The following RAI1 variants were observed in gnomAD, a reference collection of about 807,000 sequenced individuals.
The protein encoded by RAI1 is retinoic acid-induced protein 1.
In RAI1, 9 loss-of-function variants were observed where a neutral mutation model predicts 123.8. The ratio of observed to expected loss-of-function variants is 0.07; its 90% CI spans 0.04 to 0.13. The LOEUF (loss-of-function observed/expected upper bound fraction) is 0.13. Among genes scored for constraint, RAI1 ranks in the 10% least tolerant of loss-of-function variants. The probability of loss-of-function intolerance (pLI) is 1.00; values close to 1 mark genes in which losing one functional copy is unlikely to be tolerated. For synonymous variants in RAI1, 1,231 were observed against 1,127.3 expected, an observed-to-expected ratio of 1.09 and a Z score of -1.84; for missense variants, 2,256 against 2,545.8, an observed-to-expected ratio of 0.89 and a Z score of 2.45.
At chr17:17,704,830 C>T (rs939121907) in intron 1 of RAI1, among the ~76,000 whole-genome samples, 15 of 135,892 alleles carry the variant, frequency 1.1e-4, no homozygotes, top group African/African-American at 3.3e-4. Context: ...CTCCCAAGCC[C>T]GTGGGGAAAT....
chr17:17,764,325 A>G (rs1009021618), intron 2 of RAI1, among the ~76,000 whole-genome samples: 4 of 152,222 alleles, frequency 2.6e-5, no homozygotes, highest in African/African-American at 9.6e-5. Context: ...ACACTCGGGT[A>G]TAACTGAAGT....
intron 2 of RAI1, among the ~76,000 whole-genome samples, chr17:17,735,417 G>A (rs1296426643): frequency 6.7e-6 from 1 of 148,304 alleles, no homozygotes; most frequent in Non-Finnish European, 1.5e-5. Context: ...GCAGTGGCGC[G>A]ATCTTGGCTC....
At chr17:17,764,979 C>G (rs2030865829) in intron 2 of RAI1, among the ~76,000 whole-genome samples, 1 of 152,198 alleles carries the variant, frequency 6.6e-6, no homozygotes, top group Non-Finnish European at 1.5e-5. Flanking sequence ...TGTGCATATG[C>G]CACAGCTTAT....
rs569833042 is a variant in RAI1 at position 17,725,653 on chromosome 17, C to T, written c.-17+1494C>T. The stretch of plus-strand genomic sequence containing the variant: ...AAGAGCGAAGGGCTAGCTGGACTGG[C>T]GTTGCGGGGGTGGAGAGCCCGTGGA... On this transcript the variant is annotated intron_variant, in intron 2 of 5. Coordinates refer to ENST00000353383, the MANE Select transcript of RAI1 (RefSeq NM_030665.4). Among the ~76,000 whole-genome samples the T allele has an allele frequency of 2.6e-5, 4 of 152,152 alleles. No homozygotes were observed. The South Asian group carries it at 8.3e-4, about 32-fold the overall frequency.
intron 2 of RAI1, among the ~76,000 whole-genome samples, chr17:17,729,327 C>T (rs1340291069): frequency 5.9e-5 from 9 of 152,338 alleles, no homozygotes; most frequent in South Asian, 2.1e-4. Context: ...ATAAACCAGA[C>T]GACCCTCCAC....
chr17:17,780,074 C>CTTTTTT (rs1555563206), intron 2 of RAI1, among the ~76,000 whole-genome samples: 5 of 76,910 alleles, frequency 6.5e-5, no homozygotes, highest in Admixed American at 3.0e-4. Context: ...TCCACCCAGG[C>CTTTTTT]TTTTTTTTAA....
At chr17:17,711,137 C>G (rs1444989994) in intron 1 of RAI1, among the ~76,000 whole-genome samples, 1 of 152,220 alleles carries the variant, frequency 6.6e-6, no homozygotes, top group Non-Finnish European at 1.5e-5. Context: ...GGGGCTGAGC[C>G]TTGGGGCCTG....
chr17:17,798,841 C>G (rs767490674), intron 3 of RAI1, among the ~76,000 whole-genome samples: 2 of 152,218 alleles, frequency 1.3e-5, no homozygotes, highest in African/African-American at 2.4e-5. Flanking sequence ...CATGCTGTCA[C>G]CGGAGATGCC....
intron 4 of RAI1, among the ~76,000 whole-genome samples, chr17:17,807,021 C>T (rs917184457): frequency 2.0e-5 from 3 of 151,596 alleles, no homozygotes; most frequent in Non-Finnish European, 2.9e-5. Context: ...GATCGAGTCT[C>T]GCCCACCATC....
chr17:17,732,269 A>C (rs1916296076), intron 2 of RAI1, among the ~76,000 whole-genome samples: 1 of 152,158 alleles, frequency 6.6e-6, no homozygotes, highest in Non-Finnish European at 1.5e-5. Context: ...CCTTACTGAG[A>C]AGAAGGCACT....
In RAI1 at chr17:17,793,067, G is replaced by A. The variant is rs577650444; in HGVS notation, c.119G>A (p.Cys40Tyr). ...CAGCCGAGTCAGGCCGGGCTAAGCT[G>A]CGACCGGCAGCGGCTGCTCGCCAAG... ...YRQPSQAGLS[C>Y]DRQRLLAKDY... Residue 40 changes from cysteine to tyrosine, a missense_variant, in exon 3 of 6, where the codon TGC (cysteine) becomes TAC (tyrosine). Transcript: ENST00000353383. The A allele has an allele frequency of 6.2e-7, 1 of 1,613,920 alleles. No individual in the cohort carries two copies. Among genetic ancestry groups the A allele is most frequent in the Admixed American group, 1.7e-5 (1 of 60,014 alleles).
intron 2 of RAI1, among the ~76,000 whole-genome samples, chr17:17,726,397 G>A (rs1916091003): frequency 1.4e-5 from 2 of 138,890 alleles, no homozygotes; most frequent in Admixed American, 1.4e-4. Flanking sequence ...CCTGGGTGAG[G>A]CTCTGGGAGG....
chr17:17,770,328 A>G (rs2031103729), intron 2 of RAI1, among the ~76,000 whole-genome samples: 1 of 152,120 alleles, frequency 6.6e-6, no homozygotes, highest in African/African-American at 2.4e-5. Flanking sequence ...AAAAAACATA[A>G]AACCAGAGAA....
At chr17:17,683,276 T>G (rs1222445205) in intron 1 of RAI1, among the ~76,000 whole-genome samples, 2 of 152,266 alleles carry the variant, frequency 1.3e-5, no homozygotes, top group East Asian at 3.9e-4. Flanking sequence ...AGGCTAGCTC[T>G]GATGTGGAGG....
chr17:17,738,774 G>A (rs12938914), intron 2 of RAI1, among the ~76,000 whole-genome samples: 85,305 of 152,004 alleles, frequency 0.56, 24,342 homozygotes, highest in Middle Eastern at 0.63. Context: ...TCTACTTGTG[G>A]GCCCTTCTGG....
chr17:17,760,823 A>T (rs2142992240), intron 2 of RAI1, among the ~76,000 whole-genome samples: 1 of 151,908 alleles, frequency 6.6e-6, no homozygotes, highest in East Asian at 2.0e-4. Flanking sequence ...GAAAGGCTTC[A>T]GGAAGAAGCC....
At chr17:17,688,375 T>C (rs1273001803) in intron 1 of RAI1, among the ~76,000 whole-genome samples, 2 of 151,770 alleles carry the variant, frequency 1.3e-5, no homozygotes, top group African/African-American at 2.4e-5. Context: ...TCCCAGCTAC[T>C]TGGGAGGCTG....
intron 2 of RAI1, among the ~76,000 whole-genome samples, chr17:17,760,078 A>T (rs1483822851): frequency 1.3e-5 from 2 of 152,200 alleles, no homozygotes; most frequent in South Asian, 2.1e-4. Context: ...CCTCCTGGTC[A>T]GAGCCCTGTG....
At chr17:17,805,320 C>A (rs2032575362) in intron 4 of RAI1, among the ~76,000 whole-genome samples, 1 of 151,988 alleles carries the variant, frequency 6.6e-6, no homozygotes, top group Non-Finnish European at 1.5e-5. Context: ...CTGCCTCAGT[C>A]CTATTTTGGG....
Sources: allele counts gnomAD v4.1 joint callset (sites outside exome capture counted in the v4.1 genomes callset), GRCh38; gene constraint gnomAD v4.1.1; transcripts MANE v1.5; gene names NCBI Gene and HGNC (gene_info 2026-07-23, HGNC 2026-07-21).